The following ARHGAP26 variants were observed in gnomAD, a reference collection of about 807,000 sequenced individuals.
ARHGAP26 encodes rho GTPase-activating protein 26.
In ARHGAP26, 38 loss-of-function variants were observed where a neutral mutation model predicts 104.8. That is an observed-to-expected ratio of 0.36 (90% confidence interval 0.28 to 0.48). The LOEUF is 0.48. Among genes scored for constraint, ARHGAP26 ranks in the 20% least tolerant of loss-of-function variants. ARHGAP26 has a pLI of 0.99. For missense variants in ARHGAP26, 704 were observed against 947.9 expected (o/e 0.74, Z 3.38); for synonymous variants, 341 against 340.0 (o/e 1.00, Z -0.03).
chr5:143,095,601 C>CT (rs1299802171), intron 17 of ARHGAP26, among the ~76,000 whole-genome samples: 1 of 152,164 alleles, frequency 6.6e-6, no homozygotes, highest in African/African-American at 2.4e-5. Flanking sequence ...ATCATATCTT[C>CT]TTTTTTTCTC....
chr5:142,771,297 G>C, intron 1 of ARHGAP26: 1 of 1,236,936 alleles, frequency 8.1e-7, no homozygotes, highest in African/African-American at 1.5e-5. Context: ...CTTAGGGGCA[G>C]AGTTGCTCAG....
chr5:142,898,175 T>C (rs76075781), intron 6 of ARHGAP26, among the ~76,000 whole-genome samples: 9 of 149,718 alleles, frequency 6.0e-5, no homozygotes, highest in South Asian at 2.1e-4. Context: ...CACACACACA[T>C]ACACACACAC....
At chr5:143,082,954 G>A (rs1349386395) in intron 17 of ARHGAP26, among the ~76,000 whole-genome samples, 1 of 152,178 alleles carries the variant, frequency 6.6e-6, no homozygotes, top group African/African-American at 2.4e-5. Context: ...GGTATTCATA[G>A]CTAAATATCA....
At chr5:143,166,231 G>C in intron 20 of ARHGAP26, 1 of 488,544 alleles carries the variant, frequency 2.0e-6, no homozygotes, top group East Asian at 9.8e-5. Context: ...TGAGTAGCCG[G>C]AAGAGCCCAC....
chr5:142,785,657 T>G (rs1561837064), intron 1 of ARHGAP26, among the ~76,000 whole-genome samples: 1 of 152,224 alleles, frequency 6.6e-6, no homozygotes, highest in Non-Finnish European at 1.5e-5. Context: ...GGTTTCAGCT[T>G]TAACCATTTT....
intron 11 of ARHGAP26, among the ~76,000 whole-genome samples, chr5:142,985,902 A>G (rs1468440366): frequency 2.0e-5 from 3 of 151,944 alleles, no homozygotes; most frequent in Non-Finnish European, 4.4e-5. Context: ...AATCCAGTCT[A>G]TCATTGATGG....
At chr5:143,075,941 C>T (rs1006191839) in intron 17 of ARHGAP26, among the ~76,000 whole-genome samples, 1 of 151,960 alleles carries the variant, frequency 6.6e-6, no homozygotes, top group East Asian at 1.9e-4. Context: ...TCAAACAGTC[C>T]ACCCACCTCA....
chr5:143,135,743 T>C (rs955387121), intron 19 of ARHGAP26, among the ~76,000 whole-genome samples: 2 of 152,274 alleles, frequency 1.3e-5, no homozygotes, highest in African/African-American at 4.8e-5. Context: ...TCTTTTTTCA[T>C]GAACATTTCT....
intron 20 of ARHGAP26, among the ~76,000 whole-genome samples, chr5:143,180,842 C>T (rs1804230471): frequency 6.6e-6 from 1 of 152,128 alleles, no homozygotes; most frequent in South Asian, 2.1e-4. Context: ...AAACCATATC[C>T]CAGATCTCCT....
At chr5:143,108,048 A>G (rs1599046074) in intron 17 of ARHGAP26, among the ~76,000 whole-genome samples, 1 of 152,338 alleles carries the variant, frequency 6.6e-6, no homozygotes, top group African/African-American at 2.4e-5. Context: ...GTTATTTTGT[A>G]TGGATGAATA....
intron 17 of ARHGAP26, among the ~76,000 whole-genome samples, chr5:143,067,301 ACCAT>A (rs1162977796): frequency 6.6e-6 from 1 of 151,922 alleles, no homozygotes; most frequent in East Asian, 1.9e-4. Context: ...ATTAAACATG[ACCAT>A]CCACTGTGAA....
At chr5:143,207,445 C>G (rs1445551668) in intron 21 of ARHGAP26, 137 bp downstream of exon 21, 1 of 1,614,092 alleles carries the variant, frequency 6.2e-7, no homozygotes, top group Admixed American at 1.7e-5. Flanking sequence ...TTTTGACAGG[C>G]CAGAAGAAGC....
chr5:143,050,689 A>G (rs140589439), intron 14 of ARHGAP26, among the ~76,000 whole-genome samples: 1 of 152,344 alleles, frequency 6.6e-6, no homozygotes, highest in East Asian at 1.9e-4. Flanking sequence ...ACTGGAGCCT[A>G]CTGGAGTAGG....
At chr5:143,001,237 C>G (rs978411446) in intron 11 of ARHGAP26, among the ~76,000 whole-genome samples, 2 of 152,014 alleles carry the variant, frequency 1.3e-5, no homozygotes, top group Non-Finnish European at 2.9e-5. Flanking sequence ...ATGTTTCTAT[C>G]TTGATAGAGG....
At chr5:143,207,066 A>G (rs1404035456) in intron 20 of ARHGAP26, 132 bp from the exon 21 acceptor site, 2 of 1,047,314 alleles carry the variant, frequency 1.9e-6, no homozygotes, top group East Asian at 4.9e-5. Context: ...CATGGCCCTG[A>G]CAGCACATCC....
intron 11 of ARHGAP26, among the ~76,000 whole-genome samples, chr5:142,997,576 A>AT (rs34395064): frequency 1.3e-3 from 151 of 120,648 alleles, no homozygotes; most frequent in South Asian, 8.8e-3. Context: ...TGCCTGGCTG[A>AT]TTTTTTTTTT....
chr5:142,932,139 C>G lies in ARHGAP26; in HGVS notation c.1107+14C>G. 1 of 1,612,826 alleles carries G rather than the reference C, an allele frequency of 6.2e-7. No homozygotes were observed. The highest frequency in any genetic ancestry group is 8.5e-7 in the Non-Finnish European group (1 of 1,178,852). On this transcript the variant is annotated intron_variant, in intron 11 of 22. Coordinates refer to ENST00000645722, the MANE Select transcript of ARHGAP26 (RefSeq NM_001135608.3). ...GGCCGGGAACCTGTAAGTAACAATT[C>G]AGGGAAGTAGAGCAAGAATGAAGGC...
At chr5:142,865,180 G>C (rs1754045232) in intron 1 of ARHGAP26, among the ~76,000 whole-genome samples, 1 of 152,120 alleles carries the variant, frequency 6.6e-6, no homozygotes, top group Non-Finnish European at 1.5e-5. Flanking sequence ...CTGGGGCTGG[G>C]CTCTTTAGGG....
intron 1 of ARHGAP26, among the ~76,000 whole-genome samples, chr5:142,809,824 A>G (rs1300180569): frequency 6.6e-6 from 1 of 152,056 alleles, no homozygotes. Flanking sequence ...TTCAATACCA[A>G]TTTACTGTGT....
Sources: allele counts gnomAD v4.1 joint callset (sites outside exome capture counted in the v4.1 genomes callset), GRCh38; gene constraint gnomAD v4.1.1; transcripts MANE v1.5; gene names NCBI Gene and HGNC (gene_info 2026-07-23, HGNC 2026-07-21).